TNNI3K: variants seen among roughly 807,000 people sequenced by gnomAD.
The protein encoded by TNNI3K is serine/threonine-protein kinase TNNI3K.
A neutral mutation model predicts 114.5 loss-of-function variants in TNNI3K; 140 were observed. The observed-to-expected ratio is 1.22, with a 90% CI of 1.07 to 1.41. The LOEUF is 1.41. Among genes scored for constraint, TNNI3K ranks in the 40% most tolerant of loss-of-function variants. TNNI3K has a pLI of 0.00. For synonymous variants in TNNI3K, 347 were observed against 347.5 expected (o/e 1.00, Z 0.02); for missense variants, 1,125 against 1,007.6 (o/e 1.12, Z -1.58).
chr1:74,391,122 T>C (rs1663747440), intron 17 of TNNI3K, among the ~76,000 whole-genome samples: 1 of 152,190 alleles, frequency 6.6e-6, no homozygotes, highest in South Asian at 2.1e-4. Context: ...ACCATTGAGA[T>C]GTTTAAGCAA....
At position 74,445,151 on chromosome 1, in the gene TNNI3K, A is replaced by C. The variant is rs189737828; in HGVS notation, c.2011+5529A>C. 2.8e-3 allele frequency among the ~76,000 whole-genome samples: 422 copies of C among 152,342 alleles called. 2 individuals carry two copies. Among genetic ancestry groups the C allele is most frequent in the African/African-American group, 9.6e-3 (398 of 41,584 alleles). On this transcript the variant is annotated intron_variant, in intron 20 of 24. Transcript: ENST00000326637. ...AAAGATTTTATGACAAAAATGTCAG[A>C]AGCAATGTGGCAAAAGCAAAAATTG...
At chr1:74,532,197 T>A (rs1397207159) in intron 23 of TNNI3K, among the ~76,000 whole-genome samples, 2 of 152,176 alleles carry the variant, frequency 1.3e-5, no homozygotes, top group Non-Finnish European at 2.9e-5. Context: ...TGCATGTGTA[T>A]CTCATGTTTT....
chr1:74,365,971 G>T (rs1386397232), intron 11 of TNNI3K, among the ~76,000 whole-genome samples: 1 of 149,950 alleles, frequency 6.7e-6, no homozygotes, highest in African/African-American at 2.5e-5. Flanking sequence ...TTTCCTCGAA[G>T]AATCTTAGCC....
intron 11 of TNNI3K, among the ~76,000 whole-genome samples, chr1:74,359,890 A>G (rs1661864379): frequency 1.3e-5 from 2 of 151,806 alleles, no homozygotes; most frequent in Non-Finnish European, 2.9e-5. Flanking sequence ...TTTTGTCCTC[A>G]TGATTCTCTT....
intron 20 of TNNI3K, among the ~76,000 whole-genome samples, chr1:74,451,256 G>C (rs556008913): frequency 4.0e-4 from 61 of 152,206 alleles, no homozygotes; most frequent in Middle Eastern, 6.8e-3. Context: ...GGGAAGGCAG[G>C]GGGAGGGAGA....
chr1:74,274,304 G>A (rs1273010262), intron 5 of TNNI3K, among the ~76,000 whole-genome samples: 1 of 151,956 alleles, frequency 6.6e-6, no homozygotes, highest in Non-Finnish European at 1.5e-5. Flanking sequence ...AGGAGGAAGA[G>A]GAGGGGTAGG....
chr1:74,283,306 A>G (rs1353089061), intron 5 of TNNI3K, among the ~76,000 whole-genome samples: 2 of 152,062 alleles, frequency 1.3e-5, no homozygotes, highest in Non-Finnish European at 2.9e-5. Flanking sequence ...GCAATCTACT[A>G]CTCTGCAGGC....
At chr1:74,335,341 C>T (rs1660409783) in intron 6 of TNNI3K, among the ~76,000 whole-genome samples, 1 of 152,176 alleles carries the variant, frequency 6.6e-6, no homozygotes, top group Non-Finnish European at 1.5e-5. Context: ...TATGATATTA[C>T]CCCTCACGTT....
chr1:74,406,850 C>T (rs994650999), intron 17 of TNNI3K, among the ~76,000 whole-genome samples: 15 of 152,182 alleles, frequency 9.9e-5, no homozygotes, highest in Non-Finnish European at 1.5e-4. Context: ...AGAATGTCTC[C>T]GCTGCTGTTC....
chr1:74,398,721 A>G (rs911395712), intron 17 of TNNI3K, among the ~76,000 whole-genome samples: 5 of 152,158 alleles, frequency 3.3e-5, no homozygotes, highest in Non-Finnish European at 5.9e-5. Flanking sequence ...AGACGATGGG[A>G]GCCACTTTAT....
At chr1:74,525,275 C>T (rs568103900) in intron 23 of TNNI3K, among the ~76,000 whole-genome samples, 32 of 152,244 alleles carry the variant, frequency 2.1e-4, no homozygotes, top group African/African-American at 7.5e-4. Context: ...TTCTTCTAAG[C>T]GCTTTGCGTG....
intron 5 of TNNI3K, among the ~76,000 whole-genome samples, chr1:74,300,558 A>C (rs1194415433): frequency 6.6e-6 from 1 of 152,252 alleles, no homozygotes; most frequent in African/African-American, 2.4e-5. Context: ...AGAGAGCAAT[A>C]TAAAATGCAA....
intron 9 of TNNI3K, among the ~76,000 whole-genome samples, chr1:74,350,387 A>C (rs184228148): frequency 6.6e-6 from 1 of 152,084 alleles, no homozygotes; most frequent in Non-Finnish European, 1.5e-5. Flanking sequence ...TTTACTTCCA[A>C]CTATGTGGTT....
At chr1:74,305,202 T>G (rs530439037) in intron 5 of TNNI3K, among the ~76,000 whole-genome samples, 1 of 152,180 alleles carries the variant, frequency 6.6e-6, no homozygotes, top group Admixed American at 6.5e-5. Context: ...AAATTGACAA[T>G]TTTGATGTTG....
At chr1:74,358,757 TA>T (rs997240858) in intron 11 of TNNI3K, among the ~76,000 whole-genome samples, 140 of 151,778 alleles carry the variant, frequency 9.2e-4, no homozygotes, top group Non-Finnish European at 1.5e-3. Context: ...TGCTCTCTTT[TA>T]AAAAAAATAA....
At chr1:74,429,233 A>G (rs191099827) in intron 17 of TNNI3K, among the ~76,000 whole-genome samples, 5 of 152,242 alleles carry the variant, frequency 3.3e-5, no homozygotes, top group East Asian at 3.9e-4. Flanking sequence ...CTAGCTATGT[A>G]AGAAGCAGAG....
At chr1:74,420,431 C>T (rs1163731582) in intron 17 of TNNI3K, among the ~76,000 whole-genome samples, 1 of 152,132 alleles carries the variant, frequency 6.6e-6, no homozygotes, top group Non-Finnish European at 1.5e-5. Flanking sequence ...TTGAATTTCA[C>T]TTTGCCTTTG....
At chr1:74,329,235 C>T (rs1463822522) in intron 5 of TNNI3K, among the ~76,000 whole-genome samples, 2 of 152,012 alleles carry the variant, frequency 1.3e-5, no homozygotes, top group South Asian at 2.1e-4. Flanking sequence ...GAGAGGAGCA[C>T]CTCTTTCTGT....
intron 17 of TNNI3K, among the ~76,000 whole-genome samples, chr1:74,404,739 A>G (rs555915890): frequency 1.3e-5 from 2 of 152,286 alleles, no homozygotes; most frequent in South Asian, 2.1e-4. Flanking sequence ...TCTATGCTTC[A>G]TCCTCTTTAT....
Sources: allele counts gnomAD v4.1 joint callset (sites outside exome capture counted in the v4.1 genomes callset), GRCh38; gene constraint gnomAD v4.1.1; transcripts MANE v1.5; gene names NCBI Gene and HGNC (gene_info 2026-07-23, HGNC 2026-07-21).